HARS1: variants seen among roughly 807,000 people sequenced by gnomAD.
HARS1 encodes histidyl-tRNA synthetase 1.
HARS1 carries 45 observed loss-of-function variants against 63.6 expected under a neutral mutation model. The ratio of observed to expected loss-of-function variants is 0.71; its 90% CI spans 0.56 to 0.91. The LOEUF is 0.91. HARS1 is among the 40% of genes least tolerant of loss of function. HARS1 has a pLI of 0.00. For missense variants in HARS1, 508 were observed against 643.2 expected (o/e 0.79, Z 2.27); for synonymous variants, 205 against 247.1 (o/e 0.83, Z 1.60).
intron 2 of HARS1, chr5:140,683,442 G>T: frequency 9.9e-7 from 1 of 1,011,876 alleles, no homozygotes; most frequent in Non-Finnish European, 1.3e-6. Flanking sequence ...TTTTAAGTTT[G>T]GGTCTATTTT....
Position 140,676,775 on chromosome 5 carries a change from G to A in HARS1, c.1073C>T (p.Ala358Val). The change falls in exon 10 of 13, where the codon GCT (alanine) becomes GTT (valine). Residue 358 changes from alanine to valine, a missense_variant. This residue lies in a region of HARS1 where 403 missense variants were observed against 548.7 expected (regional missense o/e 0.73). Coordinates refer to ENST00000504156, the MANE Select transcript of HARS1 (RefSeq NM_002109.6). The surrounding 1 kb of genome is among the most constrained non-coding windows in gnomAD (Gnocchi z 4.1). ...TAGCCCATCATAGCGTCCTCCAGCA[G>A]CCACACTGCCCACACCCAGGGGCTC... ...GEEPLGVGSVAAGGRYDGLVG... is the reference protein window; with the variant it reads ...GEEPLGVGSVVAGGRYDGLVG... 6.2e-7 allele frequency: 1 copy of A among 1,614,234 alleles called. No homozygotes were observed. The highest frequency in any genetic ancestry group is 8.5e-7 in the Non-Finnish European group (1 of 1,180,040).
At chr5:140,685,864 T>C (rs1035867525) in intron 2 of HARS1, among the ~76,000 whole-genome samples, 3 of 152,164 alleles carry the variant, frequency 2.0e-5, no homozygotes, top group African/African-American at 4.8e-5. Context: ...CAAATGTTGA[T>C]ACATTTCATT....
chr5:140,684,046 TG>T (rs1296304898), intron 2 of HARS1: 1 of 150,974 alleles, frequency 6.6e-6, no homozygotes, highest in Admixed American at 6.6e-5. Context: ...TGCCAGCACT[TG>T]GGGAGGCCGA....
chr5:140,687,558 AAAAC>A (rs1271613428), intron 2 of HARS1: 3 of 152,134 alleles, frequency 2.0e-5, no homozygotes, highest in South Asian at 2.1e-4. Context: ...AAGAAACCCC[AAAAC>A]AAACAAAGTT....
Position 140,677,686 on chromosome 5 carries a change from GT to G in HARS1, c.697del (p.Thr233ProfsTer6). 6.2e-7 allele frequency: 1 copy of G among 1,611,572 alleles called. No individual in the cohort carries two copies. The highest frequency in any genetic ancestry group is 8.5e-7 in the Non-Finnish European group (1 of 1,178,766). On this transcript the variant is annotated frameshift_variant, in exon 7 of 13. Transcript: ENST00000504156. LOFTEE classifies it high-confidence loss of function. ...ICGVSDSKFR[T>X]ICSSVDKLDK... ...CAGCTTGTCTACTGAGGAGCAGATG[GT>G]ACGGAACTTGCTGTCAGAAACACCA...
chr5:140,689,740 G>A (rs1759262413), intron 2 of HARS1, among the ~76,000 whole-genome samples: 1 of 152,138 alleles, frequency 6.6e-6, no homozygotes, highest in African/African-American at 2.4e-5. Flanking sequence ...GTAAATAAAC[G>A]ACATAAATAA....
At position 140,679,260 on chromosome 5, in the gene HARS1, CAAACATCAGA is replaced by C. The variant is rs1394637656; in HGVS notation, c.397-143_397-134del. On this transcript the variant is annotated intron_variant, in intron 4 of 12. Transcript: ENST00000504156. This position sits in a 1 kb window ranked among gnomAD's most constrained non-coding sequence, Gnocchi z 4.3. ...CCACCCATAAGATTAATAGCACTTA[CAAACATCAGA>C]AAGCATCAGCTGTGCTACCACATGA... The C allele has an allele frequency of 1.3e-6, 1 of 764,306 alleles. No individual in the cohort carries two copies. The highest frequency in any genetic ancestry group is 2.5e-5 in the East Asian group (1 of 39,466). The allele number at this position is 764,306 out of a possible 1,614,324, so 47.3% of individuals were successfully genotyped here.
At chr5:140,685,834 T>C (rs1260436826) in intron 2 of HARS1, among the ~76,000 whole-genome samples, 2 of 152,204 alleles carry the variant, frequency 1.3e-5, no homozygotes, top group African/African-American at 4.8e-5. Flanking sequence ...TGCCTGTGCA[T>C]GATTTCATAA....
chr5:140,683,131 T>G lies in HARS1; in HGVS notation c.269A>C (p.Glu90Ala). ...TTCAAATACAGGTGTATCAATGACT[T>G]CTGCACCGTGGCGCTTGAAGCAACG... is the stretch of plus-strand genomic sequence containing the variant. ...IIRCFKRHGA[E>A]VIDTPVFELK... is the part of the protein sequence containing the mutation. Residue 90 changes from glutamate (E) to alanine (A), a missense_variant, in exon 3 of 13, where the codon GAA becomes GCA. Coordinates refer to ENST00000504156, the MANE Select transcript of HARS1 (RefSeq NM_002109.6). The G allele has an allele frequency of 6.2e-7, 1 of 1,614,048 alleles. No individual in the cohort carries two copies. Among genetic ancestry groups the G allele is most frequent in the Non-Finnish European group, 8.5e-7 (1 of 1,179,870 alleles).
Position 140,676,479 on chromosome 5 carries a change from A to T in HARS1, c.1194+175T>A. 1.4e-6 allele frequency: 1 copy of T among 711,214 alleles called. No individual in the cohort carries two copies. Among genetic ancestry groups the T allele is most frequent in the Non-Finnish European group, 2.4e-6 (1 of 416,442 alleles). 44.1% of individuals were successfully genotyped at this position (711,214 alleles called of 1,614,324 possible). ...AGTGCAGAAAGATTATGGATTAAAG[A>T]TCCATAAAACTTACATATAATGGGG... On this transcript the variant is annotated intron_variant, in intron 10 of 12. Transcript: ENST00000504156. The surrounding 1 kb of genome is among the most constrained non-coding windows in gnomAD (Gnocchi z 4.1).
intron 6 of HARS1, 45 bp downstream of exon 6, chr5:140,677,861 TGA>T: frequency 1.4e-6 from 2 of 1,436,354 alleles, no homozygotes; most frequent in Non-Finnish European, 2.0e-6. Context: ...TCTTCTCTTG[TGA>T]GAGGCCAGGC....
chr5:140,677,651 T>C lies in HARS1; in HGVS notation c.729+4A>G, dbSNP rs377103530. 6.3e-7 allele frequency: 1 copy of C among 1,594,564 alleles called. No homozygotes were observed. Among genetic ancestry groups the C allele is most frequent in the African/African-American group, 1.3e-5 (1 of 74,200 alleles). On this transcript the variant is annotated splice_donor_region_variant and intron_variant, in intron 7 of 12. Coordinates refer to ENST00000504156, the MANE Select transcript of HARS1 (RefSeq NM_002109.6). ...GAAAAGAAGTCAAGTACTTGGGTTGTTACCTTGTCCAGCTTGTCTACTGAG... is the reference window on the plus strand; with the variant it reads ...GAAAAGAAGTCAAGTACTTGGGTTGCTACCTTGTCCAGCTTGTCTACTGAG...
At chr5:140,675,258 C>A in intron 10 of HARS1, 125 bp from the exon 11 acceptor site, 1 of 683,756 alleles carries the variant, frequency 1.5e-6, no homozygotes, top group South Asian at 1.7e-5. Flanking sequence ...CCTGTCTTCT[C>A]ATCTAGCACC....
chr5:140,691,195 C>T lies in HARS1; in HGVS notation c.90+20G>A. 6.4e-7 allele frequency: 1 copy of T among 1,567,162 alleles called. No homozygotes were observed. Among genetic ancestry groups the T allele is most frequent in the Non-Finnish European group, 8.7e-7 (1 of 1,149,038 alleles). On this transcript the variant is annotated intron_variant, in intron 1 of 12. Coordinates refer to ENST00000504156, the MANE Select transcript of HARS1 (RefSeq NM_002109.6). ...TCCCAGGCTTTGCCTTGGCCCTCTC[C>T]CCTGCTGCCTAAATCTCACCAGCTC...
At chr5:140,678,319 G>T in intron 5 of HARS1, 2 of 410,646 alleles carry the variant, frequency 4.9e-6, no homozygotes, top group East Asian at 4.7e-5. Flanking sequence ...CAGAAGCCCT[G>T]GCATCAGTCT....
rs1217420965 is a variant in HARS1, at chr5:140,683,085, T to C, written c.300+15A>G. On this transcript the variant is annotated intron_variant, in intron 3 of 12. Coordinates refer to ENST00000504156, the MANE Select transcript of HARS1 (RefSeq NM_002109.6). Reference sequence around the variant, plus strand: ...CACTCATCTACCATGTAGTTTCTTCTTGCCCATTCCTCACCTTTAGTTCAA... The same window carrying C: ...CACTCATCTACCATGTAGTTTCTTCCTGCCCATTCCTCACCTTTAGTTCAA... 5.6e-6 allele frequency: 9 copies of C among 1,611,506 alleles called. No homozygotes were observed. Among genetic ancestry groups the C allele is most frequent in the Middle Eastern group, 1.6e-4 (1 of 6,066 alleles).
intron 3 of HARS1, among the ~76,000 whole-genome samples, chr5:140,682,304 G>A (rs1758774079): frequency 6.6e-6 from 1 of 152,094 alleles, no homozygotes; most frequent in South Asian, 2.1e-4. Flanking sequence ...GCTAAGGAAA[G>A]GGAGTTCAGG....
At chr5:140,684,586 T>A (rs1758911235) in intron 2 of HARS1, 1 of 183,716 alleles carries the variant, frequency 5.4e-6, no homozygotes, top group African/African-American at 2.4e-5. Flanking sequence ...CCATTCAGCA[T>A]GTTCGTGGCA....
At chr5:140,681,375 C>CA (rs1758721709) in intron 3 of HARS1, among the ~76,000 whole-genome samples, 1 of 152,012 alleles carries the variant, frequency 6.6e-6, no homozygotes. Context: ...GATGTAAAGA[C>CA]AAAGGGAGGC....
Sources: gnomAD v4.1 joint callset for allele counts (sites outside exome capture counted in the v4.1 genomes callset) on GRCh38, gnomAD v4.1.1 for gene constraint, gnomAD v4.1.1 regional missense constraint, Gnocchi (gnomAD v3.1) non-coding constraint, MANE v1.5 for transcripts, NCBI Gene and HGNC (gene_info 2026-07-23, HGNC 2026-07-21) for gene names.